Variants in EIF3G observed in about 807,000 individuals in gnomAD.
EIF3G encodes eukaryotic translation initiation factor 3 RNA-binding subunit.
Under a neutral mutation model 41.7 loss-of-function variants are expected in EIF3G, and 10 were observed. The ratio of observed to expected loss-of-function variants is 0.24; its 90% CI spans 0.15 to 0.41. The LOEUF (loss-of-function observed/expected upper bound fraction) is 0.41, where lower values mean the gene tolerates loss of function less well. Among genes scored for constraint, EIF3G ranks in the 10% least tolerant of loss-of-function variants. The pLI is 1.00. For synonymous variants in EIF3G, 204 were observed against 172.5 expected (o/e 1.18, Z -1.43); for missense variants, 297 against 444.0 (o/e 0.67, Z 2.98).
chr19:10,118,924 C>A lies in EIF3G; in HGVS notation c.184G>T (p.Gly62Ter). The stretch of plus-strand genomic sequence containing the variant: ...TACTCTGTCACTGTCTTTATGTTTC[C>A]GTTGATGACCTCCTTGGGAGGCGGC... ...PLPPPKEVIN[G>*]NIKTVTEYKI... Residue 62 changes from glycine (G) to a stop codon, truncating the protein, a stop_gained, in exon 4 of 11, where the codon GGA (glycine) becomes TGA (stop). Coordinates refer to ENST00000253108, the MANE Select transcript of EIF3G (RefSeq NM_003755.5). LOFTEE classifies it high-confidence loss of function. 6.2e-7 allele frequency: 1 copy of A among 1,614,072 alleles called. No homozygotes were observed. The highest frequency in any genetic ancestry group is 8.5e-7 in the Non-Finnish European group (1 of 1,180,014).
chr19:10,119,192 A>AGGAGGAGTCAGCTCCAGGG, intron 2 of EIF3G, 21 bp from the exon 3 acceptor site: 1 of 1,559,794 alleles, frequency 6.4e-7, no homozygotes, highest in South Asian at 1.2e-5. Context: ...CAGCGTAGGA[A>AGGAGGAGTCAGCTCCAGGG]GGAGGAGTCA....
At position 10,116,499 on chromosome 19, in the gene EIF3G, G is replaced by C. The variant is rs893218270; in HGVS notation, c.595+301C>G. The C allele has an allele frequency of 3.6e-5, 18 of 501,402 alleles. No homozygotes were observed. The highest frequency in any genetic ancestry group is 3.5e-4 in the African/African-American group (18 of 52,134). The allele number at this position is 501,402 out of a possible 1,614,324, so 31.1% of individuals were successfully genotyped here. On this transcript the variant is annotated intron_variant, in intron 7 of 10. Transcript: ENST00000253108. The surrounding 1 kb of genome is among the most constrained non-coding windows in gnomAD (Gnocchi z 4.1). Reference sequence around the variant, plus strand: ...GGTACAGCCACAGGCATGCAACGGAGACACTATACACACAGTGCGCACACA... The same window carrying C: ...GGTACAGCCACAGGCATGCAACGGACACACTATACACACAGTGCGCACACA...
In EIF3G at chr19:10,119,185, C is replaced by A. The variant is rs1325983102; in HGVS notation, c.68-14G>T. The A allele has an allele frequency of 1.3e-6, 2 of 1,565,786 alleles. No individual in the cohort carries two copies. Among genetic ancestry groups the A allele is most frequent in the Non-Finnish European group, 1.7e-6 (2 of 1,154,210 alleles). ...TGACACATTTGTCTGCAAAAGGCAG[C>A]GTAGGAAGGAGGAGTCAGCTCCAGG... On this transcript the variant is annotated splice_polypyrimidine_tract_variant and intron_variant, in intron 2 of 10. Coordinates refer to ENST00000253108, the MANE Select transcript of EIF3G (RefSeq NM_003755.5).
Position 10,116,135 on chromosome 19 carries a change from G to GC in EIF3G, c.596-62dup. On this transcript the variant is annotated intron_variant, in intron 7 of 10. Transcript: ENST00000253108. This position sits in a 1 kb window ranked among gnomAD's most constrained non-coding sequence, Gnocchi z 4.1. The stretch of plus-strand genomic sequence containing the variant: ...GTGGCGCAGGCGTGGGGACAGAGCC[G>GC]CCCCAGGAAGCTCGGGCTTCAGTGT... 6.6e-7 allele frequency: 1 copy of GC among 1,505,712 alleles called. No individual in the cohort carries two copies. Among genetic ancestry groups the GC allele is most frequent in the South Asian group, 1.2e-5 (1 of 84,804 alleles). The allele number at this position is 1,505,712 out of a possible 1,614,324, so 93.3% of individuals were successfully genotyped here. A position where few individuals can be genotyped will look rare whatever the true frequency, so the allele number is the denominator to read the frequency against.
In EIF3G at chr19:10,117,000, C is replaced by G; in HGVS notation, c.406-11G>C. 2 of 1,606,002 alleles carry G rather than the reference C, an allele frequency of 1.2e-6. No individual in the cohort carries two copies. Among genetic ancestry groups the G allele is most frequent in the Non-Finnish European group, 1.7e-6 (2 of 1,174,626 alleles). ...CTGGCAGTTCAGGTCCTGGCAGGGG[C>G]GGGTTGGGGGGAGCTCAGAGGCGGC... On this transcript the variant is annotated splice_polypyrimidine_tract_variant and intron_variant, in intron 6 of 10. Coordinates refer to ENST00000253108, the MANE Select transcript of EIF3G (RefSeq NM_003755.5). The surrounding 1 kb of genome is among the most constrained non-coding windows in gnomAD (Gnocchi z 4.1).
Position 10,115,122 on chromosome 19 carries a change from T to C in EIF3G, c.955A>G (p.Thr319Ala). ...ILNVEWAKPS[T>A]N Reference sequence around the variant, plus strand: ...ACACAGTGGCAGCTGGCTTAGTTGGTGGACGGCCTGGGGTAGGGGAGGGTG... The same window carrying C: ...ACACAGTGGCAGCTGGCTTAGTTGGCGGACGGCCTGGGGTAGGGGAGGGTG... Residue 319 changes from threonine (T) to alanine (A), a missense_variant, in exon 11 of 11, where the codon ACC becomes GCC. By Grantham distance (58) the Thr-to-Ala change is moderately conservative. Coordinates refer to ENST00000253108, the MANE Select transcript of EIF3G (RefSeq NM_003755.5). 1 of 1,613,698 alleles carries C rather than the reference T, an allele frequency of 6.2e-7. No homozygotes were observed. The highest frequency in any genetic ancestry group is 1.1e-5 in the South Asian group (1 of 90,984).
At position 10,116,966 on chromosome 19, in the gene EIF3G, C is replaced by T; in HGVS notation, c.429G>A (p.Glu143=). 6.2e-7 allele frequency: 1 copy of T among 1,611,650 alleles called. No homozygotes were observed. The highest frequency in any genetic ancestry group is 8.5e-7 in the Non-Finnish European group (1 of 1,178,498). ...SKEDLNCQEE[E]DPMNKLKGQK... The stretch of plus-strand genomic sequence containing the variant: ...GGCCCTTGAGTTTGTTCATAGGGTC[C>T]TCCTCCTCCTGGCAGTTCAGGTCCT... The change falls in exon 7 of 11, where the codon GAG becomes GAA. Residue 143 remains glutamate (E), a synonymous_variant. Transcript: ENST00000253108. This position sits in a 1 kb window ranked among gnomAD's most constrained non-coding sequence, Gnocchi z 4.1.
Position 10,118,712 on chromosome 19 carries a change from T to C in EIF3G, c.256A>G (p.Arg86Gly), listed in dbSNP as rs781583662. 6.8e-6 allele frequency: 11 copies of C among 1,613,986 alleles called. No homozygotes were observed. The highest frequency in any genetic ancestry group is 8.5e-7 in the Non-Finnish European group (1 of 1,180,016). ...GKKFKIVRTF[R>G]IETRKASKAV... The stretch of plus-strand genomic sequence containing the variant: ...TTTGAAGCCTTCCGGGTCTCAATCC[T>C]GAAGGTGCGGACAATCTGAGGATGG... The change falls in exon 5 of 11, where the codon AGG becomes GGG. Residue 86 changes from arginine (R) to glycine (G), a missense_variant. Physicochemically the swap from Arg to Gly is moderately radical, Grantham distance 125. Coordinates refer to ENST00000253108, the MANE Select transcript of EIF3G (RefSeq NM_003755.5).
chr19:10,116,713 T>G lies in EIF3G; in HGVS notation c.595+87A>C. On this transcript the variant is annotated intron_variant, in intron 7 of 10. Transcript: ENST00000253108. The surrounding 1 kb of genome is among the most constrained non-coding windows in gnomAD (Gnocchi z 4.1). ...GAGAGTCTGGCACCATCAAACCCGC[T>G]GCACTGTCGTGCGGGAGATGACAGC... 7.3e-7 allele frequency: 1 copy of G among 1,362,246 alleles called. No individual in the cohort carries two copies. Among genetic ancestry groups the G allele is most frequent in the African/African-American group, 1.4e-5 (1 of 69,064 alleles). The allele number at this position is 1,362,246 out of a possible 1,614,324, so 84.4% of individuals were successfully genotyped here.
At chr19:10,118,198 C>T (rs572353979) in intron 5 of EIF3G, 1 of 155,412 alleles carries the variant, frequency 6.4e-6, no homozygotes, top group East Asian at 1.9e-4. Flanking sequence ...GACTGCTGTG[C>T]CTTGGACTTT....
At position 10,116,804 on chromosome 19, in the gene EIF3G, C is replaced by T. The variant is rs528984502; in HGVS notation, c.591G>A (p.Pro197=). ...GLSTGEKEKL[P]GELEPVQATQ... is the part of the protein sequence containing the mutation. Reference sequence around the variant, plus strand: ...AGGACCCTCCCACCCCCACACCTCCCGGCAGCTTCTCCTTCTCGCCAGTAG... The same window carrying T: ...AGGACCCTCCCACCCCCACACCTCCTGGCAGCTTCTCCTTCTCGCCAGTAG... Residue 197 remains proline, a synonymous_variant, in exon 7 of 11, where the codon CCG becomes CCA. Transcript: ENST00000253108. This position sits in a 1 kb window ranked among gnomAD's most constrained non-coding sequence, Gnocchi z 4.1. The T allele has an allele frequency of 1.8e-5, 28 of 1,582,448 alleles. No homozygotes were observed. Among genetic ancestry groups the T allele is most frequent in the South Asian group, 1.5e-4 (13 of 87,734 alleles).
chr19:10,118,336 T>G, intron 5 of EIF3G: 1 of 327,356 alleles, frequency 3.1e-6, no homozygotes, highest in South Asian at 2.6e-5. Context: ...GAGGCCTAGG[T>G]GCGCAGATCA....
At chr19:10,119,328 G>C in intron 2 of EIF3G, 157 bp from the exon 3 acceptor site, 1 of 889,238 alleles carries the variant, frequency 1.1e-6, no homozygotes, top group South Asian at 1.4e-5. Context: ...TGGCCCTGTG[G>C]GGACTCGGAG....
intron 10 of EIF3G, 36 bp from the exon 11 acceptor site, chr19:10,115,165 G>A (rs1291183518): frequency 1.9e-6 from 3 of 1,612,238 alleles, no homozygotes; most frequent in African/African-American, 2.7e-5. Flanking sequence ...TAAGACTTCT[G>A]GGGGCACCCC....
At chr19:10,119,221 C>G (rs754978543) in intron 2 of EIF3G, 50 bp from the exon 3 acceptor site, 5 of 1,527,204 alleles carry the variant, frequency 3.3e-6, no homozygotes, top group Admixed American at 2.0e-5. Context: ...GGCAGGAGCT[C>G]CCCAGCTGCG....
intron 5 of EIF3G, 52 bp from the exon 6 acceptor site, chr19:10,117,240 C>A: frequency 7.0e-7 from 1 of 1,431,552 alleles, no homozygotes; most frequent in Non-Finnish European, 9.6e-7. Flanking sequence ...AGGCTGGGTT[C>A]CACAGTGGGG....
intron 2 of EIF3G, chr19:10,119,393 C>G: frequency 1.3e-6 from 1 of 749,506 alleles, no homozygotes; most frequent in Non-Finnish European, 2.3e-6. Flanking sequence ...ATGAAGCCAA[C>G]CAGGCGCCAG....
rs186761132 is a variant in EIF3G, at chr19:10,116,439, C to T, written c.595+361G>A. 18 of 483,128 alleles carry T rather than the reference C, an allele frequency of 3.7e-5. No homozygotes were observed. In the Admixed American group the frequency reaches 4.1e-4, roughly 11 times the overall value. The allele number at this position is 483,128 out of a possible 1,614,324, so 29.9% of individuals were successfully genotyped here. ...ACAAGTGCACGTCTGCACTCTCACA[C>T]TCGCCACCAGCAAATCCCACCAAAG... On this transcript the variant is annotated intron_variant, in intron 7 of 10. Transcript: ENST00000253108. This position sits in a 1 kb window ranked among gnomAD's most constrained non-coding sequence, Gnocchi z 4.1.
Position 10,119,160 on chromosome 19 carries a change from T to C in EIF3G, c.79A>G (p.Thr27Ala), listed in dbSNP as rs1335207002. ...GGGATCCCCTTGAGGAGCTCGCTGG[T>C]GACACATTTGTCTGCAAAAGGCAGC... ...EEEGEDDKCVTSELLKGIPLA... is the reference protein window; with the variant it reads ...EEEGEDDKCVASELLKGIPLA... Residue 27 changes from threonine to alanine, a missense_variant, in exon 3 of 11, where the codon ACC becomes GCC. By Grantham distance (58) the Thr-to-Ala change is moderately conservative (BLOSUM62 0). This residue lies in a region of EIF3G where 147 missense variants were observed against 162.4 expected (regional missense o/e 0.91). Coordinates refer to ENST00000253108, the MANE Select transcript of EIF3G (RefSeq NM_003755.5). 1.3e-6 allele frequency: 2 copies of C among 1,584,010 alleles called. No homozygotes were observed. Among genetic ancestry groups the C allele is most frequent in the Non-Finnish European group, 1.7e-6 (2 of 1,164,010 alleles).
Sources: gnomAD v4.1 joint callset for allele counts on GRCh38, gnomAD v4.1.1 for gene constraint, gnomAD v4.1.1 regional missense constraint, Gnocchi (gnomAD v3.1) non-coding constraint, MANE v1.5 for transcripts, NCBI Gene and HGNC (gene_info 2026-07-23, HGNC 2026-07-21) for gene names.